Variants in CTNND2 observed in about 807,000 individuals in gnomAD.
The protein encoded by CTNND2 is catenin delta 2, also known as catenin delta-2.
CTNND2 carries 22 observed loss-of-function variants against 144.4 expected under a neutral mutation model. The observed-to-expected ratio is 0.15, with a 90% CI of 0.11 to 0.22. The LOEUF is 0.22. Among genes scored for constraint, CTNND2 ranks in the 10% least tolerant of loss-of-function variants. The pLI, the probability that CTNND2 is intolerant of heterozygous loss-of-function variation, is 1.00. For missense variants in CTNND2, 1,353 were observed against 1,618.8 expected (o/e 0.84, Z 2.82); for synonymous variants, 751 against 695.6 (o/e 1.08, Z -1.25).
intron 3 of CTNND2, among the ~76,000 whole-genome samples, chr5:11,559,535 G>A (rs17220039): frequency 0.01 from 1,532 of 152,230 alleles, 10 homozygotes; most frequent in Non-Finnish European, 0.015. Flanking sequence ...CTTACCTGGA[G>A]GATTCACAAG....
At chr5:11,885,928 C>T (rs137957042) in intron 1 of CTNND2, among the ~76,000 whole-genome samples, 140 of 152,088 alleles carry the variant, frequency 9.2e-4, no homozygotes, top group South Asian at 6.2e-3. Context: ...GAACAACCAA[C>T]GGGTCGATAC....
intron 7 of CTNND2, among the ~76,000 whole-genome samples, chr5:11,368,291 T>A (rs543421485): frequency 3.3e-5 from 5 of 152,298 alleles, no homozygotes; most frequent in African/African-American, 9.6e-5. Flanking sequence ...CCACATATCC[T>A]GTCATGGAAC....
chr5:11,477,677 G>A (rs27760), intron 3 of CTNND2, among the ~76,000 whole-genome samples: 94,840 of 151,930 alleles, frequency 0.62, 31,104 homozygotes, highest in African/African-American at 0.82. Context: ...GGCCTCCAAA[G>A]GCTCTGCGGT....
intron 8 of CTNND2, 109 bp from the exon 9 acceptor site, chr5:11,346,736 G>A (rs1315413030): frequency 1.9e-6 from 2 of 1,026,714 alleles, no homozygotes; most frequent in East Asian, 3.1e-5. Flanking sequence ...AAAATAGGGG[G>A]TTCAAAAGAA....
chr5:11,041,015 G>T (rs1744639821), intron 16 of CTNND2, among the ~76,000 whole-genome samples: 1 of 152,176 alleles, frequency 6.6e-6, no homozygotes, highest in South Asian at 2.1e-4. Context: ...TGAGATCAGT[G>T]TTTCTCTGAA....
chr5:11,018,541 G>C (rs1741872862), intron 17 of CTNND2, among the ~76,000 whole-genome samples: 1 of 152,140 alleles, frequency 6.6e-6, no homozygotes, highest in Non-Finnish European at 1.5e-5. Flanking sequence ...CAAAGGAAAA[G>C]TTCTTGAAGA....
chr5:11,809,788 A>C (rs10065984), intron 1 of CTNND2, among the ~76,000 whole-genome samples: 1 of 152,176 alleles, frequency 6.6e-6, no homozygotes, highest in Non-Finnish European at 1.5e-5. Flanking sequence ...TGTCAAATGC[A>C]TGGTGCAGCC....
intron 10 of CTNND2, among the ~76,000 whole-genome samples, chr5:11,210,420 A>G (rs941339301): frequency 2.6e-5 from 4 of 152,186 alleles, no homozygotes; most frequent in African/African-American, 9.7e-5. Flanking sequence ...TAAAAATAAA[A>G]TAAACAAGAA....
intron 1 of CTNND2, among the ~76,000 whole-genome samples, chr5:11,893,850 T>C (rs998659290): frequency 1.3e-5 from 2 of 152,178 alleles, no homozygotes; most frequent in African/African-American, 4.8e-5. Flanking sequence ...AGAAGACTTT[T>C]GATTTATAAG....
At chr5:11,082,521 A>G (rs1749684502) in intron 16 of CTNND2, among the ~76,000 whole-genome samples, 175 bp downstream of exon 16, 1 of 152,220 alleles carries the variant, frequency 6.6e-6, no homozygotes, top group Non-Finnish European at 1.5e-5. Context: ...TAAATTCTAA[A>G]AGATGACTCA....
chr5:10,990,554 TGA>T (rs1738562068), intron 19 of CTNND2, among the ~76,000 whole-genome samples: 2 of 152,242 alleles, frequency 1.3e-5, no homozygotes, highest in Admixed American at 6.5e-5. Context: ...TAGCCTTTTA[TGA>T]GTTACTGCCA....
At chr5:11,614,541 A>G (rs1780487449) in intron 2 of CTNND2, among the ~76,000 whole-genome samples, 1 of 152,250 alleles carries the variant, frequency 6.6e-6, no homozygotes, top group African/African-American at 2.4e-5. Context: ...GCGTTTAACA[A>G]AGAGAAACTC....
intron 9 of CTNND2, among the ~76,000 whole-genome samples, chr5:11,289,297 C>T (rs2188855): frequency 1.3e-5 from 2 of 152,134 alleles, no homozygotes; most frequent in Non-Finnish European, 2.9e-5. Context: ...CACTCAGATG[C>T]TCTTAAGCAC....
intron 2 of CTNND2, among the ~76,000 whole-genome samples, chr5:11,629,524 A>G (rs1215749891): frequency 2.6e-5 from 4 of 152,228 alleles, no homozygotes; most frequent in Non-Finnish European, 5.9e-5. Flanking sequence ...AATAAAAACT[A>G]CCAGCAATTG....
chr5:11,500,247 A>G (rs1485077833), intron 3 of CTNND2, among the ~76,000 whole-genome samples: 3 of 152,174 alleles, frequency 2.0e-5, no homozygotes, highest in African/African-American at 7.2e-5. Context: ...CCCTGAGACA[A>G]TATGCATGGG....
chr5:11,765,147 A>T (rs1042670178), intron 1 of CTNND2, among the ~76,000 whole-genome samples: 1 of 151,834 alleles, frequency 6.6e-6, no homozygotes, highest in Non-Finnish European at 1.5e-5. Flanking sequence ...AAGCAAAGTC[A>T]GAGGATCTTG....
chr5:11,689,589 T>C (rs2126644980), intron 2 of CTNND2, among the ~76,000 whole-genome samples: 1 of 152,328 alleles, frequency 6.6e-6, no homozygotes, highest in South Asian at 2.1e-4. Context: ...GTCACTTACT[T>C]TTTTTCACAT....
intron 3 of CTNND2, among the ~76,000 whole-genome samples, chr5:11,498,929 A>G (rs61757506): frequency 2.8e-4 from 42 of 152,260 alleles, no homozygotes; most frequent in Middle Eastern, 3.4e-3. Flanking sequence ...TTTTTTTTAA[A>G]TGTATTTGAT....
At chr5:11,122,045 T>C (rs1422075878) in intron 12 of CTNND2, among the ~76,000 whole-genome samples, 2 of 152,170 alleles carry the variant, frequency 1.3e-5, no homozygotes, top group Non-Finnish European at 2.9e-5. Flanking sequence ...GTGTGACACA[T>C]AGTTGGCTCT....
Sources: gnomAD v4.1 joint callset for allele counts (sites outside exome capture counted in the v4.1 genomes callset) on GRCh38, gnomAD v4.1.1 for gene constraint, MANE v1.5 for transcripts, NCBI Gene and HGNC (gene_info 2026-07-23, HGNC 2026-07-21) for gene names.